CES5A: variants seen among roughly 807,000 people sequenced by gnomAD.
CES5A encodes the protein carboxylesterase 5A, also known as carboxylesterase 5.
Under a neutral mutation model 62.9 loss-of-function variants are expected in CES5A, and 67 were observed. The observed-to-expected ratio is 1.07, with a 90% confidence interval of 0.88 to 1.31. CES5A has a LOEUF of 1.31. Ranked by LOEUF, CES5A falls within the 50% of genes most tolerant of loss-of-function variation. The probability of loss-of-function intolerance (pLI) is 0.00; values close to 1 mark genes in which losing one functional copy is unlikely to be tolerated. For missense variants in CES5A, 748 were observed against 708.5 expected, an observed-to-expected ratio of 1.06 and a Z score of -0.63; for synonymous variants, 296 against 280.8, an observed-to-expected ratio of 1.05 and a Z score of -0.54.
At chr16:55,914,766 T>C (rs1292647547) in intron 1 of CES5A, among the ~76,000 whole-genome samples, 1 of 152,120 alleles carries the variant, frequency 6.6e-6, no homozygotes. Context: ...GAATGTGGGA[T>C]CCTGGCCTGG....
chr16:55,951,199 C>G (rs1269413052), intron 1 of CES5A, among the ~76,000 whole-genome samples: 3 of 141,544 alleles, frequency 2.1e-5, no homozygotes, highest in East Asian at 2.1e-4. Context: ...ACGAACAAAA[C>G]AGATTAATCA....
At chr16:55,879,742 C>A (rs1220160640), upstream of CES5A, among the ~76,000 whole-genome samples, 1 of 152,118 alleles carries the variant, frequency 6.6e-6, no homozygotes, top group Non-Finnish European at 1.5e-5. Flanking sequence ...AGGTGCACAC[C>A]ACCACACCTG....
upstream of CES5A, among the ~76,000 whole-genome samples, chr16:55,876,424 G>A (rs1347586029): frequency 6.6e-6 from 1 of 152,202 alleles, no homozygotes; most frequent in Non-Finnish European, 1.5e-5. Flanking sequence ...AAAGGGTGGT[G>A]TATGGTGGAG....
chr16:55,909,142 C>G (rs1332027869), intron 1 of CES5A, among the ~76,000 whole-genome samples: 2 of 152,210 alleles, frequency 1.3e-5, no homozygotes, highest in Non-Finnish European at 2.9e-5. Context: ...GGCTGTACAG[C>G]CTCCTTACCT....
chr16:55,949,582 G>GT (rs1461266143), intron 2 of CES5A, among the ~76,000 whole-genome samples: 8 of 152,174 alleles, frequency 5.3e-5, no homozygotes, highest in African/African-American at 1.9e-4. Flanking sequence ...TTCAAGGCTG[G>GT]TCAGCAAATG....
intron 1 of CES5A, among the ~76,000 whole-genome samples, chr16:55,905,369 G>T (rs2034029962): frequency 8.4e-6 from 1 of 118,420 alleles, no homozygotes; most frequent in East Asian, 2.2e-4. Context: ...CTTTAAATCT[G>T]ACTTTTTTTT....
intron 10 of CES5A, 46 bp from the exon 11 acceptor site, chr16:55,849,819 A>C: frequency 1.3e-6 from 2 of 1,596,710 alleles, no homozygotes; most frequent in Non-Finnish European, 1.7e-6. Flanking sequence ...AGCGCGGAGC[A>C]GGGGGCTGGC....
At chr16:55,861,627 C>T (rs2033353427) in intron 6 of CES5A, 111 bp from the exon 7 acceptor site, 2 of 749,344 alleles carry the variant, frequency 2.7e-6, no homozygotes, top group Non-Finnish European at 4.7e-6. Context: ...ATATATGAGT[C>T]CATCCTGCTA....
intron 1 of CES5A, among the ~76,000 whole-genome samples, chr16:55,921,606 A>G (rs1309456881): frequency 1.3e-5 from 2 of 151,214 alleles, no homozygotes; most frequent in African/African-American, 4.9e-5. Context: ...ATCAGACAAG[A>G]AGTGCTAAGA....
upstream of CES5A, among the ~76,000 whole-genome samples, chr16:55,928,108 T>G (rs1379733500): frequency 1.3e-5 from 2 of 152,066 alleles, no homozygotes; most frequent in Admixed American, 1.3e-4. Context: ...CTGGGCGTGG[T>G]GGCAGGTGCC....
At chr16:55,862,349 G>A (rs8049600) in intron 6 of CES5A, among the ~76,000 whole-genome samples, 23,436 of 152,168 alleles carry the variant, frequency 0.15, 2,156 homozygotes, top group Middle Eastern at 0.28. Flanking sequence ...GTCTGGTACA[G>A]TTGTGGAACC....
chr16:55,933,044 A>T lies in CES5A; in HGVS notation c.160+16741T>A, dbSNP rs530074183. Among the ~76,000 whole-genome samples, 27 of 152,280 alleles carry T rather than the reference A, an allele frequency of 1.8e-4. No homozygotes were observed. In the East Asian group the frequency reaches 4.8e-3, roughly 27 times the overall value. On this transcript the variant is annotated intron_variant, in intron 2 of 13. Transcript: ENST00000521992. Reference sequence around the variant, plus strand: ...GTAACACTCAATACATACAGAGTTTATTTTTTGCCCACATGAGAGTCCAGT... The same window carrying T: ...GTAACACTCAATACATACAGAGTTTTTTTTTTGCCCACATGAGAGTCCAGT...
intron 1 of CES5A, among the ~76,000 whole-genome samples, chr16:55,889,909 G>A (rs375240975): frequency 1.3e-5 from 2 of 152,106 alleles, no homozygotes; most frequent in Admixed American, 6.5e-5. Flanking sequence ...GGAAATGAAG[G>A]ATGAAGATCA....
chr16:55,858,492 A>T (rs1442134298), intron 8 of CES5A, among the ~76,000 whole-genome samples: 1 of 152,170 alleles, frequency 6.6e-6, no homozygotes, highest in African/African-American at 2.4e-5. Flanking sequence ...GAAAGGCCTT[A>T]CTTAAGCCAT....
intron 1 of CES5A, among the ~76,000 whole-genome samples, chr16:55,914,861 C>T (rs2034130117): frequency 1.3e-5 from 2 of 152,022 alleles, no homozygotes; most frequent in South Asian, 2.1e-4. Flanking sequence ...ATTGTACCCT[C>T]GTTAATTTTT....
upstream of CES5A, among the ~76,000 whole-genome samples, chr16:55,880,116 C>T (rs1402149111): frequency 2.6e-5 from 4 of 152,186 alleles, no homozygotes; most frequent in African/African-American, 7.2e-5. Flanking sequence ...CATGTGATCT[C>T]TCATGCAGGT....
intron 2 of CES5A, among the ~76,000 whole-genome samples, chr16:55,949,124 A>G (rs1175839478): frequency 6.6e-6 from 1 of 152,210 alleles, no homozygotes; most frequent in Non-Finnish European, 1.5e-5. Flanking sequence ...TAAATGCTCA[A>G]TCATAGGTTG....
At chr16:55,909,800 C>T (rs1224336652) in intron 1 of CES5A, among the ~76,000 whole-genome samples, 6 of 152,204 alleles carry the variant, frequency 3.9e-5, no homozygotes, top group African/African-American at 1.4e-4. Context: ...CTCTGCTGGC[C>T]TTGGACAAGT....
In CES5A at chr16:55,861,643, G is replaced by A. The variant is rs555719895; in HGVS notation, c.811-127C>T. On this transcript the variant is annotated intron_variant, in intron 6 of 12. Transcript: ENST00000290567. ...TATATGAGTCCATCCTGCTAACACTGCCTAGACCCACACCCCTATAATTGA... is the reference window on the plus strand; with the variant it reads ...TATATGAGTCCATCCTGCTAACACTACCTAGACCCACACCCCTATAATTGA... 1.3e-4 allele frequency: 90 copies of A among 700,380 alleles called. No individual in the cohort carries two copies. In the East Asian group the frequency reaches 1.8e-3, roughly 14 times the overall value. The allele number at this position is 700,380 out of a possible 1,614,324, so 43.4% of individuals were successfully genotyped here.
Sources: gnomAD v4.1 joint callset for allele counts (sites outside exome capture counted in the v4.1 genomes callset) on GRCh38, gnomAD v4.1.1 for gene constraint, MANE v1.5 for transcripts, NCBI Gene and HGNC (gene_info 2026-07-23, HGNC 2026-07-21) for gene names.